Variants in PLPPR5 observed in about 807,000 individuals in gnomAD.
The protein encoded by PLPPR5 is phospholipid phosphatase-related protein type 5.
Under a neutral mutation model 33.9 loss-of-function variants are expected in PLPPR5, and 16 were observed. The ratio of observed to expected loss-of-function variants is 0.47; its 90% confidence interval spans 0.32 to 0.72. The LOEUF (loss-of-function observed/expected upper bound fraction) is 0.72, where lower values mean the gene tolerates loss of function less well. Ranked by LOEUF, PLPPR5 falls within the 30% of genes least tolerant of loss-of-function variation. PLPPR5 has a pLI of 0.03. For synonymous variants in PLPPR5, 163 were observed against 150.3 expected (o/e 1.08, Z -0.62); for missense variants, 301 against 406.7 (o/e 0.74, Z 2.23).
chr1:98,977,752 GT>G (rs1344583984), intron 1 of PLPPR5, among the ~76,000 whole-genome samples: 6 of 151,344 alleles, frequency 4.0e-5, no homozygotes, highest in African/African-American at 1.2e-4. Context: ...TGGAAGAAAG[GT>G]TTATCTTCTG....
intron 5 of PLPPR5, among the ~76,000 whole-genome samples, chr1:98,894,506 C>T (rs757129642): frequency 6.6e-6 from 1 of 151,988 alleles, no homozygotes; most frequent in Non-Finnish European, 1.5e-5. Flanking sequence ...AGCACAAAAC[C>T]GTCATGAACA....
chr1:98,960,691 A>G (rs1651213341), intron 1 of PLPPR5, among the ~76,000 whole-genome samples: 1 of 152,190 alleles, frequency 6.6e-6, no homozygotes, highest in Non-Finnish European at 1.5e-5. Flanking sequence ...GCTGAGCTTT[A>G]TTTGACTGGT....
In PLPPR5 at chr1:98,978,297, C is replaced by T. The variant is rs559773968; in HGVS notation, c.238-21556G>A. On this transcript the variant is annotated intron_variant, in intron 1 of 5. Transcript: ENST00000263177. Reference sequence around the variant, plus strand: ...GTATATTTCAATTGTTCAAATAATGCTACATTTTCAATTGGTCTCGCAGTC... The same window carrying T: ...GTATATTTCAATTGTTCAAATAATGTTACATTTTCAATTGGTCTCGCAGTC... Among the ~76,000 whole-genome samples the T allele has an allele frequency of 1.1e-4, 16 of 152,108 alleles. No individual in the cohort carries two copies. In the South Asian group the frequency reaches 3.3e-3, roughly 32 times the overall value.
At chr1:98,940,208 T>C (rs1650321588) in intron 3 of PLPPR5, among the ~76,000 whole-genome samples, 1 of 151,780 alleles carries the variant, frequency 6.6e-6, no homozygotes, top group Non-Finnish European at 1.5e-5. Flanking sequence ...AAGTCCAAGA[T>C]GAGGGTGCTG....
intron 3 of PLPPR5, among the ~76,000 whole-genome samples, chr1:98,929,167 A>G (rs1649872574): frequency 6.6e-6 from 1 of 152,176 alleles, no homozygotes; most frequent in Non-Finnish European, 1.5e-5. Context: ...ACTCTTAGTT[A>G]TATCACTTGT....
rs1032158317 is a variant in PLPPR5 at position 98,942,073 on chromosome 1, A to G, written c.621+10997T>C. 1.1e-3 allele frequency among the ~76,000 whole-genome samples: 85 copies of G among 80,468 alleles called. 1 individual carries two copies. The highest frequency in any genetic ancestry group is 7.3e-4 in the South Asian group (2 of 2,758). The allele number at this position is 80,468 out of a possible 152,430, so 52.8% of individuals were successfully genotyped here. On this transcript the variant is annotated intron_variant, in intron 3 of 5. Coordinates refer to ENST00000263177, the MANE Select transcript of PLPPR5 (RefSeq NM_001037317.2). ...ATATGAGAGATAGAGAGAGAGAGGAAGAAAGAGAGAGAGAGAGAGAGGAAG... is the reference window on the plus strand; with the variant it reads ...ATATGAGAGATAGAGAGAGAGAGGAGGAAAGAGAGAGAGAGAGAGAGGAAG...
chr1:98,951,141 A>T (rs150551897), intron 3 of PLPPR5, among the ~76,000 whole-genome samples: 2 of 152,358 alleles, frequency 1.3e-5, no homozygotes, highest in African/African-American at 4.8e-5. Context: ...CCCAGATACA[A>T]ATATGAACAT....
chr1:98,949,279 T>TTA (rs1650686708), intron 3 of PLPPR5, among the ~76,000 whole-genome samples: 1 of 151,516 alleles, frequency 6.6e-6, no homozygotes, highest in Non-Finnish European at 1.5e-5. Flanking sequence ...TTTTTTTTTT[T>TTA]ATTATTCCTG....
intron 3 of PLPPR5, among the ~76,000 whole-genome samples, chr1:98,936,034 G>A (rs1015303471): frequency 5.3e-5 from 8 of 152,194 alleles, no homozygotes; most frequent in East Asian, 1.9e-4. Context: ...CACGGGGGAC[G>A]TTCTGGATTC....
At chr1:98,938,668 G>A (rs1296503190) in intron 3 of PLPPR5, among the ~76,000 whole-genome samples, 2 of 151,798 alleles carry the variant, frequency 1.3e-5, no homozygotes, top group Non-Finnish European at 1.5e-5. Context: ...TCAACTATGG[G>A]CTCATAAAAG....
intron 1 of PLPPR5, among the ~76,000 whole-genome samples, chr1:98,968,643 A>C (rs1305370141): frequency 3.3e-5 from 5 of 152,076 alleles, no homozygotes; most frequent in Non-Finnish European, 5.9e-5. Flanking sequence ...TATAAATTAT[A>C]TTACTTGGCA....
chr1:98,896,164 G>A (rs1273304273), intron 5 of PLPPR5, among the ~76,000 whole-genome samples: 2 of 151,886 alleles, frequency 1.3e-5, no homozygotes, highest in African/African-American at 4.8e-5. Flanking sequence ...CATTACCAAG[G>A]TATGTACATG....
At chr1:98,912,824 C>T (rs1444963084) in intron 5 of PLPPR5, among the ~76,000 whole-genome samples, 12 of 152,090 alleles carry the variant, frequency 7.9e-5, no homozygotes. Context: ...TTTATATAAA[C>T]CATCAGCACA....
chr1:98,958,688 CTCTT>C (rs1370395125), intron 1 of PLPPR5, among the ~76,000 whole-genome samples: 3 of 152,214 alleles, frequency 2.0e-5, no homozygotes, highest in Admixed American at 6.5e-5. Flanking sequence ...TACCTTATCT[CTCTT>C]TCTGAATAAC....
chr1:98,904,538 A>T (rs1648825576), intron 5 of PLPPR5, among the ~76,000 whole-genome samples: 1 of 152,004 alleles, frequency 6.6e-6, no homozygotes, highest in African/African-American at 2.4e-5. Flanking sequence ...TTGTTCTTTT[A>T]CCAGATAAAG....
chr1:98,892,255 A>T lies in PLPPR5; in HGVS notation c.*817T>A, dbSNP rs1290795211. ...CTCTTGAGACACTGCTACCCATGGG[A>T]AATTACTCAATAATAAGGTACCAGT... On this transcript the variant is annotated 3_prime_UTR_variant, in exon 6 of 6. Coordinates refer to ENST00000263177, the MANE Select transcript of PLPPR5 (RefSeq NM_001037317.2). 6.6e-6 allele frequency: 1 copy of T among 152,378 alleles called. No homozygotes were observed. The highest frequency in any genetic ancestry group is 1.5e-5 in the Non-Finnish European group (1 of 67,986). The allele number at this position is 152,378 out of a possible 1,614,324, so 9.4% of individuals were successfully genotyped here.
intron 1 of PLPPR5, among the ~76,000 whole-genome samples, chr1:98,982,888 G>A (rs1273308565): frequency 8.6e-5 from 13 of 151,938 alleles, no homozygotes; most frequent in Non-Finnish European, 1.6e-4. Context: ...TGTTTTTATG[G>A]GCTTTTGAAG....
At chr1:98,926,412 G>A (rs1649764681) in intron 3 of PLPPR5, among the ~76,000 whole-genome samples, 1 of 150,884 alleles carries the variant, frequency 6.6e-6, no homozygotes, top group African/African-American at 2.4e-5. Flanking sequence ...TGATGACTTT[G>A]ATTAATGCAA....
rs1001050139 is a variant in PLPPR5 at position 98,977,293 on chromosome 1, T to A, written c.238-20552A>T. Among the ~76,000 whole-genome samples, 14 of 152,038 alleles carry A rather than the reference T, an allele frequency of 9.2e-5. No individual in the cohort carries two copies. The East Asian group carries it at 1.4e-3, about 15-fold the overall frequency. ...TCATGTTCCTGAATTAGATGCAGCT[T>A]AAACATGTCAATCACATCTGAGGTC... On this transcript the variant is annotated intron_variant, in intron 1 of 5. Coordinates refer to ENST00000263177, the MANE Select transcript of PLPPR5 (RefSeq NM_001037317.2).
Sources: allele counts gnomAD v4.1 joint callset (sites outside exome capture counted in the v4.1 genomes callset), GRCh38; gene constraint gnomAD v4.1.1; transcripts MANE v1.5; gene names NCBI Gene and HGNC (gene_info 2026-07-23, HGNC 2026-07-21).